The following LINC00305 variants were observed in gnomAD, a reference collection of about 807,000 sequenced individuals.
LINC00305 encodes long independently transcribed non-coding RNA 305, also known as long intergenic non-protein coding RNA 305.
At chr18:64,098,114 T>A (rs2051252725) in intron 2 of LINC00305, 2 of 402,032 alleles carry the variant, frequency 5.0e-6, no homozygotes, top group Non-Finnish European at 1.0e-5. Flanking sequence ...TGACCAACAT[T>A]GTCCATTAAA....
At chr18:64,093,193 T>TG (rs2051231705) in intron 3 of LINC00305, among the ~76,000 whole-genome samples, 1 of 152,196 alleles carries the variant, frequency 6.6e-6, no homozygotes, top group African/African-American at 2.4e-5. Flanking sequence ...TTTAAAAATG[T>TG]ATAAGTATCT....
At chr18:64,125,040 C>G (rs1213927380) in intron 1 of LINC00305, among the ~76,000 whole-genome samples, 2 of 152,100 alleles carry the variant, frequency 1.3e-5, no homozygotes, top group Non-Finnish European at 2.9e-5. Context: ...AGTACTCTGA[C>G]ACTGCTCACA....
intron 1 of LINC00305, among the ~76,000 whole-genome samples, chr18:64,136,049 A>T (rs947181168): frequency 1.3e-5 from 2 of 152,192 alleles, no homozygotes; most frequent in African/African-American, 4.8e-5. Context: ...GCTTACCCAG[A>T]CTACCCCTTC....
At chr18:64,112,244 G>T (rs1206850219) in intron 1 of LINC00305, among the ~76,000 whole-genome samples, 2 of 150,148 alleles carry the variant, frequency 1.3e-5, no homozygotes, top group Non-Finnish European at 2.9e-5. Context: ...GAAAATGGAA[G>T]ACTGGAAAAA....
chr18:64,104,267 C>T (rs1404986283), intron 1 of LINC00305: 1 of 152,214 alleles, frequency 6.6e-6, no homozygotes, highest in Non-Finnish European at 1.5e-5. Flanking sequence ...TCTCCCTCAT[C>T]CTCCTTGGAT....
chr18:64,103,721 C>A (rs1347120446), intron 1 of LINC00305, among the ~76,000 whole-genome samples: 1 of 152,116 alleles, frequency 6.6e-6, no homozygotes, highest in Non-Finnish European at 1.5e-5. Flanking sequence ...TGTTTTAAGA[C>A]AAATATACTT....
At chr18:64,126,759 A>G (rs1030142535) in intron 1 of LINC00305, among the ~76,000 whole-genome samples, 19 of 152,046 alleles carry the variant, frequency 1.2e-4, no homozygotes, top group African/African-American at 4.6e-4. Context: ...TCATCTTTAC[A>G]TCTCTCACCC....
intron 1 of LINC00305, among the ~76,000 whole-genome samples, chr18:64,132,658 C>T (rs955212900): frequency 6.6e-6 from 1 of 152,152 alleles, no homozygotes; most frequent in African/African-American, 2.4e-5. Context: ...TAGCCTGGCT[C>T]CATAGTGTAT....
At chr18:64,114,981 C>T (rs187233005) in intron 1 of LINC00305, among the ~76,000 whole-genome samples, 2 of 152,340 alleles carry the variant, frequency 1.3e-5, no homozygotes, top group East Asian at 1.9e-4. Flanking sequence ...CTTCTCCCTT[C>T]TCCTCCCACC....
intron 1 of LINC00305, among the ~76,000 whole-genome samples, chr18:64,122,857 T>C (rs2144260641): frequency 6.6e-6 from 1 of 152,244 alleles, no homozygotes; most frequent in South Asian, 2.1e-4. Flanking sequence ...GTTTTATCTA[T>C]GATTTCTTTC....
At chr18:64,131,001 G>A (rs2051407369) in intron 1 of LINC00305, among the ~76,000 whole-genome samples, 1 of 152,104 alleles carries the variant, frequency 6.6e-6, no homozygotes, top group Non-Finnish European at 1.5e-5. Flanking sequence ...AATTTCAACT[G>A]TCAACTTGTG....
chr18:64,146,999 T>C (rs2144286639), intron 1 of LINC00305, among the ~76,000 whole-genome samples: 1 of 152,326 alleles, frequency 6.6e-6, no homozygotes, highest in South Asian at 2.1e-4. Flanking sequence ...TATTTTCTCA[T>C]ACTACTTTCC....
intron 3 of LINC00305, among the ~76,000 whole-genome samples, chr18:64,082,546 G>A (rs1482609149): frequency 6.6e-6 from 1 of 152,198 alleles, no homozygotes; most frequent in Non-Finnish European, 1.5e-5. Context: ...AGTGGGCAAG[G>A]AGAATCCTTT....
intron 1 of LINC00305, among the ~76,000 whole-genome samples, chr18:64,103,929 C>T (rs1037805911): frequency 2.6e-5 from 4 of 152,122 alleles, no homozygotes; most frequent in African/African-American, 9.7e-5. Flanking sequence ...GTGAAGTTTT[C>T]AAATAGGCAA....
At chr18:64,130,149 A>G (rs1414474445) in intron 1 of LINC00305, among the ~76,000 whole-genome samples, 2 of 152,148 alleles carry the variant, frequency 1.3e-5, no homozygotes, top group African/African-American at 2.4e-5. Flanking sequence ...CATGGATGAT[A>G]AGCCAAAATA....
chr18:64,114,687 TAC>T (rs2051330121), intron 1 of LINC00305, among the ~76,000 whole-genome samples: 1 of 152,192 alleles, frequency 6.6e-6, no homozygotes, highest in Non-Finnish European at 1.5e-5. Context: ...TAGCTGAGAT[TAC>T]AGGTGCATGC....
intron 1 of LINC00305, among the ~76,000 whole-genome samples, chr18:64,143,697 GTACATGTATGTCCACA>G (rs2051480744): frequency 7.5e-6 from 1 of 133,734 alleles, no homozygotes; most frequent in African/African-American, 2.9e-5. Flanking sequence ...CATATTATGC[GTACATGTATGTCCACA>G]TATTATGCGT....
intron 3 of LINC00305, among the ~76,000 whole-genome samples, chr18:64,085,740 C>T (rs749805655): frequency 3.9e-5 from 6 of 152,246 alleles, no homozygotes; most frequent in African/African-American, 7.2e-5. Context: ...GGATTACAGG[C>T]GTGAGCCACC....
intron 1 of LINC00305, among the ~76,000 whole-genome samples, chr18:64,129,133 G>T (rs2051398369): frequency 6.6e-6 from 1 of 151,984 alleles, no homozygotes; most frequent in African/African-American, 2.4e-5. Context: ...TACTTTCCAA[G>T]GAAGACAAAA....
Sources: allele counts gnomAD v4.1 joint callset (sites outside exome capture counted in the v4.1 genomes callset), GRCh38; gene constraint gnomAD v4.1.1; transcripts MANE v1.5; gene names NCBI Gene and HGNC (gene_info 2026-07-23, HGNC 2026-07-21).